Variants in DYNC1I1 observed in about 807,000 individuals in gnomAD.
DYNC1I1 encodes cytoplasmic dynein 1 intermediate chain 1.
In DYNC1I1, 43 loss-of-function variants were observed where a neutral mutation model predicts 86.6. The observed-to-expected ratio is 0.50, with a 90% CI of 0.39 to 0.64. DYNC1I1 has a LOEUF of 0.64. Among genes scored for constraint, DYNC1I1 ranks in the 30% least tolerant of loss-of-function variants. The probability of loss-of-function intolerance (pLI) is 0.00; values close to 1 mark genes in which losing one functional copy is unlikely to be tolerated. For synonymous variants in DYNC1I1, 262 were observed against 283.7 expected (o/e 0.92, Z 0.77); for missense variants, 604 against 788.8 (o/e 0.77, Z 2.81).
At chr7:95,819,150 T>G (rs962358411) in intron 4 of DYNC1I1, among the ~76,000 whole-genome samples, 12 of 152,294 alleles carry the variant, frequency 7.9e-5, no homozygotes, top group Middle Eastern at 3.4e-3. Flanking sequence ...TCTTAGGCTT[T>G]CAGCTTCATG....
chr7:95,981,736 T>G (rs1279381124), intron 7 of DYNC1I1, among the ~76,000 whole-genome samples: 1 of 152,148 alleles, frequency 6.6e-6, no homozygotes, highest in African/African-American at 2.4e-5. Flanking sequence ...AAAAAAAATC[T>G]GCTATAATAG....
chr7:95,887,141 C>T (rs1320395432), intron 6 of DYNC1I1, among the ~76,000 whole-genome samples: 1 of 152,136 alleles, frequency 6.6e-6, no homozygotes, highest in East Asian at 1.9e-4. Context: ...GCACCCAATC[C>T]GGGCTGCATA....
intron 10 of DYNC1I1, among the ~76,000 whole-genome samples, chr7:96,013,862 A>G (rs777311227): frequency 6.6e-6 from 1 of 152,118 alleles, no homozygotes; most frequent in Non-Finnish European, 1.5e-5. Flanking sequence ...GAGGCTTCCA[A>G]CTCCAAAGGA....
intron 6 of DYNC1I1, among the ~76,000 whole-genome samples, chr7:95,970,220 G>T (rs992763569): frequency 1.3e-5 from 2 of 152,108 alleles, no homozygotes; most frequent in African/African-American, 4.8e-5. Flanking sequence ...CATCACACCC[G>T]CTGGCAACTG....
Position 96,061,428 on chromosome 7 carries a change from G to T in DYNC1I1, c.1510-14629G>T, listed in dbSNP as rs1051372612. 3.3e-5 allele frequency among the ~76,000 whole-genome samples: 5 copies of T among 152,124 alleles called. No individual in the cohort carries two copies. In the South Asian group the frequency reaches 1.0e-3, roughly 32 times the overall value. On this transcript the variant is annotated intron_variant, in intron 14 of 16. Coordinates refer to ENST00000447467, the MANE Select transcript of DYNC1I1 (RefSeq NM_001135556.2). ...CTCTGGACTCTCACCCATCCAAAGC[G>T]TAAGAGAGGATGGGGAGTGTCAGAG...
intron 6 of DYNC1I1, among the ~76,000 whole-genome samples, chr7:95,957,072 T>C (rs1361844567): frequency 6.6e-6 from 1 of 152,196 alleles, no homozygotes; most frequent in African/African-American, 2.4e-5. Flanking sequence ...TTCCAAATTA[T>C]TGATATTTCT....
intron 6 of DYNC1I1, among the ~76,000 whole-genome samples, chr7:95,930,279 A>G (rs1791855528): frequency 6.6e-6 from 1 of 152,228 alleles, no homozygotes; most frequent in Non-Finnish European, 1.5e-5. Flanking sequence ...TGTTTTACTA[A>G]TGATTGGGGT....
intron 5 of DYNC1I1, chr7:95,837,503 G>A (rs1357977429): frequency 6.6e-6 from 1 of 152,480 alleles, no homozygotes; most frequent in Admixed American, 6.5e-5. Flanking sequence ...CACCCAGTTC[G>A]AGCTTCCCGG....
At chr7:95,788,236 G>T (rs142756028) in intron 1 of DYNC1I1, among the ~76,000 whole-genome samples, 47 of 152,320 alleles carry the variant, frequency 3.1e-4, no homozygotes, top group African/African-American at 9.6e-4. Context: ...CCATTAGGGG[G>T]CTTCTGCAGA....
chr7:95,882,244 A>G (rs772130366), intron 6 of DYNC1I1, among the ~76,000 whole-genome samples: 1 of 152,198 alleles, frequency 6.6e-6, no homozygotes, highest in Non-Finnish European at 1.5e-5. Flanking sequence ...TATTATTTCA[A>G]TAATAGGTAT....
At chr7:95,952,875 A>G (rs1386235884) in intron 6 of DYNC1I1, among the ~76,000 whole-genome samples, 2 of 151,866 alleles carry the variant, frequency 1.3e-5, no homozygotes, top group African/African-American at 4.8e-5. Flanking sequence ...GGCTGCATTC[A>G]GAGTGGAGCT....
At chr7:96,043,901 G>T (rs2116063534) in intron 14 of DYNC1I1, among the ~76,000 whole-genome samples, 1 of 152,092 alleles carries the variant, frequency 6.6e-6, no homozygotes, top group East Asian at 1.9e-4. Context: ...GTAGAGATGG[G>T]GTTTCACCAT....
chr7:96,037,391 G>A (rs1331388448), intron 13 of DYNC1I1, among the ~76,000 whole-genome samples: 1 of 152,178 alleles, frequency 6.6e-6, no homozygotes, highest in Non-Finnish European at 1.5e-5. Flanking sequence ...TGTAAACCTG[G>A]TTTCTCTCTT....
chr7:96,074,123 G>A (rs2116235984), intron 14 of DYNC1I1, among the ~76,000 whole-genome samples: 1 of 152,252 alleles, frequency 6.6e-6, no homozygotes, highest in Admixed American at 6.5e-5. Context: ...TGATCATTTT[G>A]TTATCTCAAT....
At chr7:95,804,675 A>T (rs1794661726) in intron 1 of DYNC1I1, 46 bp from the exon 2 acceptor site, 13 of 1,494,164 alleles carry the variant, frequency 8.7e-6, no homozygotes, top group Non-Finnish European at 1.2e-5. Context: ...GATATACAGA[A>T]AAGTTATTTA....
intron 14 of DYNC1I1, among the ~76,000 whole-genome samples, chr7:96,050,007 G>A (rs1789350686): frequency 1.3e-5 from 2 of 149,238 alleles, no homozygotes; most frequent in African/African-American, 2.5e-5. Context: ...GGATGACAGA[G>A]AGAGACTCCA....
intron 14 of DYNC1I1, chr7:96,056,311 T>C (rs1189259726): frequency 1.3e-5 from 2 of 152,222 alleles, no homozygotes; most frequent in East Asian, 3.8e-4. Flanking sequence ...TGTACCTGTG[T>C]GTGACATTCT....
At chr7:96,049,363 G>T in intron 14 of DYNC1I1, among the ~76,000 whole-genome samples, 1 of 151,444 alleles carries the variant, frequency 6.6e-6, no homozygotes, top group East Asian at 1.9e-4. Context: ...ATACTCTCTT[G>T]AAAATATTGG....
At chr7:96,065,378 C>CTTTTTTTTT (rs34423655) in intron 14 of DYNC1I1, among the ~76,000 whole-genome samples, 20 of 127,578 alleles carry the variant, frequency 1.6e-4, no homozygotes, top group African/African-American at 4.2e-4. Flanking sequence ...TTCTTTCTTT[C>CTTTTTTTTT]TTTTTTTTTT....
Sources: allele counts gnomAD v4.1 joint callset (sites outside exome capture counted in the v4.1 genomes callset), GRCh38; gene constraint gnomAD v4.1.1; transcripts MANE v1.5; gene names NCBI Gene and HGNC (gene_info 2026-07-23, HGNC 2026-07-21).